FBXO47: variants seen among roughly 807,000 people sequenced by gnomAD.
FBXO47 encodes F-box protein 47.
In FBXO47, 34 loss-of-function variants were observed where a neutral mutation model predicts 53.9. The ratio of observed to expected loss-of-function variants is 0.63; its 90% CI spans 0.48 to 0.84. The LOEUF (loss-of-function observed/expected upper bound fraction) is 0.84, where lower values mean the gene tolerates loss of function less well. Ranked by LOEUF, FBXO47 falls within the 40% of genes least tolerant of loss-of-function variation. The probability of loss-of-function intolerance (pLI) is 0.00; values close to 1 mark genes in which losing one functional copy is unlikely to be tolerated. For missense variants in FBXO47, 485 were observed against 541.3 expected, an observed-to-expected ratio of 0.90 and a Z score of 1.03; for synonymous variants, 165 against 181.6, an observed-to-expected ratio of 0.91 and a Z score of 0.73.
chr17:38,941,668 G>T (rs1437691714), intron 9 of FBXO47, among the ~76,000 whole-genome samples: 1 of 144,824 alleles, frequency 6.9e-6, no homozygotes, highest in African/African-American at 2.5e-5. Flanking sequence ...GTATGTGTGT[G>T]TGCGTGTGTG....
At position 38,942,759 on chromosome 17, in the gene FBXO47, A is replaced by C. The variant is rs186717053; in HGVS notation, c.1083+19T>G. The stretch of plus-strand genomic sequence containing the variant: ...GTAGTGTTAAAAAACTTGCTAGAGA[A>C]AAACTTATTTTTACTTACCAAAGCC... On this transcript the variant is annotated intron_variant, in intron 9 of 10. Transcript: ENST00000378079. 3.1e-5 allele frequency: 50 copies of C among 1,598,294 alleles called. 1 individual carries two copies. In the Admixed American group the frequency reaches 6.2e-4, roughly 20 times the overall value.
At chr17:38,960,096 T>G (rs1292151590) in intron 3 of FBXO47, among the ~76,000 whole-genome samples, 1 of 152,018 alleles carries the variant, frequency 6.6e-6, no homozygotes. Context: ...CATGAGCCAC[T>G]GCGCCCGGCC....
rs141976685 is a variant in FBXO47 at position 38,957,937 on chromosome 17, G to A, written c.353-684C>T. Among the ~76,000 whole-genome samples, 857 of 152,138 alleles carry A rather than the reference G, an allele frequency of 5.6e-3. 7 individuals are homozygous for A. Among genetic ancestry groups the A allele is most frequent in the African/African-American group, 0.019 (786 of 41,508 alleles). On this transcript the variant is annotated intron_variant, in intron 3 of 10. Coordinates refer to ENST00000378079, the MANE Select transcript of FBXO47 (RefSeq NM_001008777.3). ...CAACCTCCACCTCCCAGGTTCAAGT[G>A]ATTCTCCTGCCTCAGCCTCCCGAGT...
chr17:38,945,948 A>AAAAAAAAAAAAATAT (rs1184511532), intron 6 of FBXO47, among the ~76,000 whole-genome samples: 18 of 117,126 alleles, frequency 1.5e-4, no homozygotes, highest in African/African-American at 5.3e-4. Flanking sequence ...AAAAAAAAAA[A>AAAAAAAAAAAAATAT]ATATATATAT....
intron 1 of FBXO47, among the ~76,000 whole-genome samples, chr17:38,963,802 G>GTTTTTTTTTTTTTTTTTTTTTTGT (rs377210713): frequency 7.8e-6 from 1 of 128,638 alleles, no homozygotes; most frequent in African/African-American, 2.8e-5. Context: ...TTGTTTTGTT[G>GTTTTTTTTTTTTTTTTTTTTTTGT]TTTTTTTTTT....
intron 1 of FBXO47, among the ~76,000 whole-genome samples, chr17:38,965,986 T>G (rs2143981141): frequency 6.6e-6 from 1 of 152,222 alleles, no homozygotes; most frequent in Non-Finnish European, 1.5e-5. Flanking sequence ...TTATATAATT[T>G]CAGACTTTTA....
chr17:38,946,845 C>G (rs374868301), intron 6 of FBXO47, among the ~76,000 whole-genome samples: 1 of 62,270 alleles, frequency 1.6e-5, no homozygotes, highest in African/African-American at 8.8e-5. Context: ...TATATATAAA[C>G]ATATAAAAAT....
intron 1 of FBXO47, among the ~76,000 whole-genome samples, chr17:38,966,350 C>T (rs539222750): frequency 6.6e-6 from 1 of 152,012 alleles, no homozygotes; most frequent in African/African-American, 2.4e-5. Flanking sequence ...TACAGGTGCC[C>T]GCCCCCACGC....
Position 38,943,582 on chromosome 17 carries a change from T to C in FBXO47, c.940+8A>G, listed in dbSNP as rs1385311726. ...CTATTATTCTATGTTAGTAAATATA[T>C]TTTTTACCTGATAGTTCATCTACAA... On this transcript the variant is annotated splice_region_variant and intron_variant, in intron 8 of 10. Coordinates refer to ENST00000378079, the MANE Select transcript of FBXO47 (RefSeq NM_001008777.3). The C allele has an allele frequency of 1.3e-6, 2 of 1,524,596 alleles. No individual in the cohort carries two copies. Among genetic ancestry groups the C allele is most frequent in the African/African-American group, 2.8e-5 (2 of 70,750 alleles). The allele number at this position is 1,524,596 out of a possible 1,614,324, so 94.4% of individuals were successfully genotyped here.
chr17:38,950,650 TCA>T (rs1013442824), intron 6 of FBXO47, among the ~76,000 whole-genome samples: 13 of 152,022 alleles, frequency 8.6e-5, no homozygotes, highest in Non-Finnish European at 1.6e-4. Flanking sequence ...TGGGAGTTTC[TCA>T]GAGGGAAACA....
At chr17:38,951,512 A>G (rs1272798127) in intron 6 of FBXO47, 69 bp downstream of exon 6, 1 of 1,258,952 alleles carries the variant, frequency 7.9e-7, no homozygotes. Flanking sequence ...TTTTAATTAC[A>G]TTTTTAAAAC....
At chr17:38,959,948 C>T (rs1317026829) in intron 3 of FBXO47, among the ~76,000 whole-genome samples, 1 of 151,862 alleles carries the variant, frequency 6.6e-6, no homozygotes, top group Non-Finnish European at 1.5e-5. Flanking sequence ...TTTCAGCTTT[C>T]AGCTGGGCCG....
chr17:38,938,132 G>A (rs1915627480), intron 10 of FBXO47, among the ~76,000 whole-genome samples: 1 of 152,282 alleles, frequency 6.6e-6, no homozygotes, highest in Admixed American at 6.5e-5. Context: ...GGTAAGTCAG[G>A]TAACTTCTCT....
chr17:38,947,075 TATATAAAC>T (rs1406808501), intron 6 of FBXO47, among the ~76,000 whole-genome samples: 3 of 123,994 alleles, frequency 2.4e-5, no homozygotes, highest in African/African-American at 9.8e-5. Flanking sequence ...TATATAAACA[TATATAAAC>T]ATATATATAA....
chr17:38,966,782 G>A lies in FBXO47; in HGVS notation c.-27+447C>T, dbSNP rs549317736. Among the ~76,000 whole-genome samples the A allele has an allele frequency of 2.0e-5, 3 of 152,232 alleles. No individual in the cohort carries two copies. The East Asian group carries it at 5.8e-4, about 29-fold the overall frequency. On this transcript the variant is annotated intron_variant, in intron 1 of 10. Transcript: ENST00000378079. ...CTCACTCAGAGCTGGACGTTTCGTA[G>A]GGAAAAAGCAAGCTTTTGTGAAAAT...
At chr17:38,959,489 A>G (rs1249046550) in intron 3 of FBXO47, among the ~76,000 whole-genome samples, 1 of 145,880 alleles carries the variant, frequency 6.9e-6, no homozygotes, top group Non-Finnish European at 1.5e-5. Flanking sequence ...CTGAGGCATG[A>G]GAATCGCTTG....
intron 2 of FBXO47, 97 bp from the exon 3 acceptor site, chr17:38,962,144 C>T: frequency 1.1e-6 from 1 of 919,420 alleles, no homozygotes; most frequent in Non-Finnish European, 1.6e-6. Flanking sequence ...ACTCAATCGT[C>T]ATCATTATCA....
At chr17:38,957,610 T>G (rs1331006787) in intron 3 of FBXO47, among the ~76,000 whole-genome samples, 1 of 151,908 alleles carries the variant, frequency 6.6e-6, no homozygotes, top group African/African-American at 2.4e-5. Context: ...GATTTCAATA[T>G]CTCTTGAAAT....
chr17:38,943,982 C>A (rs958291131), intron 7 of FBXO47, among the ~76,000 whole-genome samples: 1 of 150,290 alleles, frequency 6.7e-6, no homozygotes, highest in African/African-American at 2.4e-5. Flanking sequence ...ACTTGAGGTA[C>A]GGAGTTCGAG....
Sources: gnomAD v4.1 joint callset for allele counts (sites outside exome capture counted in the v4.1 genomes callset) on GRCh38, gnomAD v4.1.1 for gene constraint, MANE v1.5 for transcripts, NCBI Gene and HGNC (gene_info 2026-07-23, HGNC 2026-07-21) for gene names.